EML6: variants seen among roughly 807,000 people sequenced by gnomAD.
EML6 encodes the protein echinoderm microtubule-associated protein-like 6.
In EML6, 154 loss-of-function variants were observed where a neutral mutation model predicts 240.1. The observed-to-expected ratio is 0.64, with a 90% CI of 0.56 to 0.73. The LOEUF is 0.73. EML6 is among the 30% of genes least tolerant of loss of function. EML6 has a pLI of 0.00. For synonymous variants in EML6, 1,148 were observed against 899.0 expected (o/e 1.28, Z -4.95); for missense variants, 2,964 against 2,474.6 (o/e 1.20, Z -4.20).
At chr2:54,923,364 A>AATGCAC (rs1674360488) in intron 26 of EML6, among the ~76,000 whole-genome samples, 1 of 52,858 alleles carries the variant, frequency 1.9e-5, no homozygotes, top group Non-Finnish European at 3.9e-5. Flanking sequence ...GTCCTCACCA[A>AATGCAC]ACGCACACAC....
chr2:54,939,553 T>C (rs1227240726), intron 28 of EML6, among the ~76,000 whole-genome samples: 2 of 152,208 alleles, frequency 1.3e-5, no homozygotes, highest in African/African-American at 2.4e-5. Flanking sequence ...CATATTTGGC[T>C]GATCGCAGCT....
chr2:54,942,597 C>T (rs549169253), intron 28 of EML6, among the ~76,000 whole-genome samples: 2 of 152,136 alleles, frequency 1.3e-5, no homozygotes, highest in South Asian at 4.1e-4. Context: ...GTGCTCTTTA[C>T]CCGACTCCCT....
In EML6 at chr2:54,917,083, T is replaced by G. The variant is rs150154411; in HGVS notation, c.3675+148T>G. On this transcript the variant is annotated intron_variant, in intron 26 of 41. Coordinates refer to ENST00000356458, the MANE Select transcript of EML6 (RefSeq NM_001039753.4). Reference sequence around the variant, plus strand: ...TGCTGTATAAAAACCTCCCTGACATTGTGTTTGAGTGACTAATTTCAGTGC... The same window carrying G: ...TGCTGTATAAAAACCTCCCTGACATGGTGTTTGAGTGACTAATTTCAGTGC... 218 of 593,552 alleles carry G rather than the reference T, an allele frequency of 3.7e-4. No homozygotes were observed. The East Asian group carries it at 6.1e-3, about 17-fold the overall frequency. 36.8% of individuals were successfully genotyped at this position (593,552 alleles called of 1,614,324 possible). A position where few individuals can be genotyped will look rare whatever the true frequency, so the allele number is the denominator to read the frequency against.
At chr2:54,959,711 G>A (rs537425520) in intron 34 of EML6, among the ~76,000 whole-genome samples, 12 of 152,228 alleles carry the variant, frequency 7.9e-5, no homozygotes, top group Non-Finnish European at 1.5e-4. Context: ...GCAGTGAGCC[G>A]AGATCATGTC....
chr2:54,806,119 A>G (rs569842603), intron 2 of EML6, among the ~76,000 whole-genome samples: 3 of 152,236 alleles, frequency 2.0e-5, no homozygotes, highest in Non-Finnish European at 2.9e-5. Context: ...ATATACATAT[A>G]TATGTGTGTA....
At chr2:54,847,388 G>T in intron 8 of EML6, 98 bp from the exon 9 acceptor site, 2 of 1,282,216 alleles carry the variant, frequency 1.6e-6, no homozygotes, top group South Asian at 2.9e-5. Context: ...GTCTTTTCTT[G>T]TTACTGTTGG....
At chr2:54,739,180 A>G (rs1190416196) in intron 2 of EML6, among the ~76,000 whole-genome samples, 6 of 152,240 alleles carry the variant, frequency 3.9e-5, no homozygotes, top group African/African-American at 1.4e-4. Context: ...ATATGTAGGT[A>G]TATGTTATAT....
chr2:54,757,345 A>G lies in EML6; in HGVS notation c.197+32087A>G, dbSNP rs1411671200. Among the ~76,000 whole-genome samples the G allele has an allele frequency of 2.6e-5, 4 of 152,174 alleles. No homozygotes were observed. The East Asian group carries it at 7.7e-4, about 29-fold the overall frequency. On this transcript the variant is annotated intron_variant, in intron 2 of 41. Coordinates refer to ENST00000356458, the MANE Select transcript of EML6 (RefSeq NM_001039753.4). ...GGCAGTGTTGATGAGTGGTTTCACC[A>G]TAGGGTGTTAAGGTGGTGCACCGCC... is the stretch of plus-strand genomic sequence containing the variant.
At chr2:54,938,373 G>A (rs772630662) in intron 28 of EML6, among the ~76,000 whole-genome samples, 7 of 152,184 alleles carry the variant, frequency 4.6e-5, no homozygotes, top group Non-Finnish European at 7.3e-5. Flanking sequence ...AGTTACATAA[G>A]GCAGGAGCTA....
chr2:54,816,773 G>A lies in EML6; in HGVS notation c.358-14G>A. 2 of 1,534,866 alleles carry A rather than the reference G, an allele frequency of 1.3e-6. No individual in the cohort carries two copies. Among genetic ancestry groups the A allele is most frequent in the Non-Finnish European group, 1.8e-6 (2 of 1,131,792 alleles). On this transcript the variant is annotated splice_polypyrimidine_tract_variant and intron_variant, in intron 3 of 41. Transcript: ENST00000356458. ...CATCACTTTTAGGTACTAAATTATTGTTCTTATTCTTAGCGTTTAGCCTCT... is the reference window on the plus strand; with the variant it reads ...CATCACTTTTAGGTACTAAATTATTATTCTTATTCTTAGCGTTTAGCCTCT...
chr2:54,799,409 G>A (rs367998990), intron 2 of EML6, among the ~76,000 whole-genome samples: 105 of 146,834 alleles, frequency 7.2e-4, no homozygotes, highest in African/African-American at 2.5e-3. Context: ...GTGGTGGCGC[G>A]ATCTCCGTTC....
rs1040604071 is a variant in EML6, at chr2:54,797,178, A to C, written c.198-16054A>C. Among the ~76,000 whole-genome samples the C allele has an allele frequency of 7.6e-5, 11 of 144,092 alleles. No homozygotes were observed. In the South Asian group the frequency reaches 2.2e-3, roughly 29 times the overall value. 94.5% of individuals were successfully genotyped at this position (144,092 alleles called of 152,430 possible). A position where few individuals can be genotyped will look rare whatever the true frequency, so the allele number is the denominator to read the frequency against. On this transcript the variant is annotated intron_variant, in intron 2 of 41. Coordinates refer to ENST00000356458, the MANE Select transcript of EML6 (RefSeq NM_001039753.4). ...AGACTCCATCTCAAAAAAAAAAAAA[A>C]AAAAAAAAAAACTGTGATCTTGTAG...
intron 26 of EML6, among the ~76,000 whole-genome samples, chr2:54,918,674 G>T (rs1674061278): frequency 6.6e-6 from 1 of 152,128 alleles, no homozygotes. Flanking sequence ...TCTACACGTT[G>T]TAACAATTCT....
In EML6 at chr2:54,948,980, G is replaced by A. The variant is rs1019884341; in HGVS notation, c.4083+20G>A. The A allele has an allele frequency of 6.0e-6, 9 of 1,505,138 alleles. No individual in the cohort carries two copies. Among genetic ancestry groups the A allele is most frequent in the East Asian group, 2.5e-5 (1 of 40,750 alleles). The allele number at this position is 1,505,138 out of a possible 1,614,324, so 93.2% of individuals were successfully genotyped here. ...GTTGAGGTGAGTTAAACAATCACTT[G>A]TAGTCTGATATTGACGTTCTAAGAC... On this transcript the variant is annotated intron_variant, in intron 29 of 41. Coordinates refer to ENST00000356458, the MANE Select transcript of EML6 (RefSeq NM_001039753.4).
At chr2:54,932,241 C>T (rs1000214171) in intron 28 of EML6, among the ~76,000 whole-genome samples, 11 of 152,324 alleles carry the variant, frequency 7.2e-5, no homozygotes, top group Non-Finnish European at 1.5e-4. Context: ...TTTCCTCTAA[C>T]ACACTGGGAT....
intron 9 of EML6, among the ~76,000 whole-genome samples, chr2:54,848,144 A>G (rs907751594): frequency 3.9e-5 from 6 of 152,072 alleles, no homozygotes; most frequent in African/African-American, 7.2e-5. Flanking sequence ...TTAGTAAAAG[A>G]TTTCTTCTAC....
chr2:54,876,067 T>C (rs1419045130), intron 16 of EML6, among the ~76,000 whole-genome samples: 1 of 152,222 alleles, frequency 6.6e-6, no homozygotes. Flanking sequence ...AATGCCTTCA[T>C]ATTATTTCTG....
At chr2:54,812,229 G>C (rs1667883048) in intron 2 of EML6, among the ~76,000 whole-genome samples, 1 of 151,722 alleles carries the variant, frequency 6.6e-6, no homozygotes. Flanking sequence ...GAAGTAATTT[G>C]TCCAAAGAAC....
intron 2 of EML6, among the ~76,000 whole-genome samples, chr2:54,806,428 C>G (rs1232185617): frequency 6.6e-6 from 1 of 151,916 alleles, no homozygotes; most frequent in South Asian, 2.1e-4. Flanking sequence ...GCCTGGCCAA[C>G]AGGGCGAAAC....
Sources: allele counts gnomAD v4.1 joint callset (sites outside exome capture counted in the v4.1 genomes callset), GRCh38; gene constraint gnomAD v4.1.1; transcripts MANE v1.5; gene names NCBI Gene and HGNC (gene_info 2026-07-23, HGNC 2026-07-21).